LANCL3: variants seen among roughly 807,000 people sequenced by gnomAD.
LANCL3 encodes the protein lanC-like protein 3.
In LANCL3, 19 loss-of-function variants were observed where a neutral mutation model predicts 26.5. The observed-to-expected ratio is 0.72, with a 90% CI of 0.50 to 1.05. The LOEUF is 1.05. LANCL3 is among the 50% of genes least tolerant of loss of function. The pLI, the probability that LANCL3 is intolerant of heterozygous loss-of-function variation, is 0.00. For synonymous variants in LANCL3, 160 were observed against 166.6 expected, an observed-to-expected ratio of 0.96 and a Z score of 0.30; for missense variants, 318 against 362.7, an observed-to-expected ratio of 0.88 and a Z score of 1.00.
chrX:37,586,748 C>T (rs1456291567), intron 1 of LANCL3, among the ~76,000 whole-genome samples: 1 of 111,970 alleles, frequency 8.9e-6, no homozygotes, highest in Non-Finnish European at 1.9e-5. Context: ...TCAAACTTCC[C>T]CCTTTAGCTC....
chrX:37,573,701 G>A (rs1322270924), intron 1 of LANCL3, among the ~76,000 whole-genome samples: 2 of 111,803 alleles, frequency 1.8e-5, no homozygotes, highest in African/African-American at 6.5e-5. Context: ...CATTTGCATT[G>A]CATTTGCATC....
chrX:37,607,663 T>C (rs1408992054), intron 1 of LANCL3, among the ~76,000 whole-genome samples: 1 of 112,762 alleles, frequency 8.9e-6, no homozygotes, highest in Admixed American at 9.4e-5. Flanking sequence ...TGTTGAAATA[T>C]TCCTACCAAT....
chrX:37,595,509 C>T (rs1245353485), intron 1 of LANCL3, among the ~76,000 whole-genome samples: 1 of 112,043 alleles, frequency 8.9e-6, no homozygotes, highest in East Asian at 2.8e-4. Flanking sequence ...TGCCTTTTGA[C>T]AGCCAAAAGA....
intron 1 of LANCL3, among the ~76,000 whole-genome samples, chrX:37,629,925 G>A (rs1248024287): frequency 5.4e-5 from 6 of 110,882 alleles, no homozygotes; most frequent in East Asian, 2.8e-4. Context: ...TTGACTTGGC[G>A]ATGCGGGCTC....
At chrX:37,666,597 G>C (rs782398802) in intron 3 of LANCL3, among the ~76,000 whole-genome samples, 2 of 111,776 alleles carry the variant, frequency 1.8e-5, no homozygotes, top group East Asian at 5.6e-4. Context: ...CCCAGAACTT[G>C]GGGAAAATCA....
At chrX:37,602,992 A>G in intron 1 of LANCL3, among the ~76,000 whole-genome samples, 1 of 110,622 alleles carries the variant, frequency 9.0e-6, no homozygotes, top group South Asian at 3.9e-4. Context: ...TGGGGAGAAA[A>G]GTGAGATAAA....
chrX:37,667,461 A>C lies in LANCL3; in HGVS notation c.1075A>C (p.Asn359His). 6 of 1,188,204 alleles carry C rather than the reference A, an allele frequency of 5.0e-6. No homozygotes were observed. Among genetic ancestry groups the C allele is most frequent in the Non-Finnish European group, 6.8e-6 (6 of 885,956 alleles). ...VFLLLYRLTG[N>H]SKYIYRAQRF... The stretch of plus-strand genomic sequence containing the variant: ...CCTGCTGCTGTACCGGCTCACGGGA[A>C]ACTCTAAATACATCTACCGAGCTCA... The change falls in exon 4 of 5, where the codon AAC (asparagine) becomes CAC (histidine). Residue 359 changes from asparagine to histidine, a missense_variant. Asn to His is a moderately conservative substitution (Grantham distance 68). Transcript: ENST00000378619.
At chrX:37,587,982 T>G (rs1364040918) in intron 1 of LANCL3, among the ~76,000 whole-genome samples, 2 of 112,605 alleles carry the variant, frequency 1.8e-5, no homozygotes, top group African/African-American at 6.5e-5. Flanking sequence ...GTTCGTAGTT[T>G]TTTGTTACAG....
At chrX:37,660,716 C>T (rs1556432383) in intron 3 of LANCL3, among the ~76,000 whole-genome samples, 1 of 111,349 alleles carries the variant, frequency 9.0e-6, no homozygotes, top group East Asian at 2.8e-4. Flanking sequence ...ACCTGAGTTT[C>T]ATTACCTTTT....
chrX:37,578,264 T>C (rs1450782783), intron 1 of LANCL3, among the ~76,000 whole-genome samples: 14 of 112,267 alleles, frequency 1.2e-4, no homozygotes, highest in African/African-American at 4.5e-4. Flanking sequence ...TAGCCAGTTC[T>C]AGTTTCAGGG....
intron 1 of LANCL3, among the ~76,000 whole-genome samples, chrX:37,587,207 C>T (rs1431939736): frequency 8.9e-6 from 1 of 112,789 alleles, no homozygotes; most frequent in Non-Finnish European, 1.9e-5. Context: ...TCTACCCCTA[C>T]TAGGGGGTGC....
intron 1 of LANCL3, among the ~76,000 whole-genome samples, chrX:37,599,417 G>A (rs565538148): frequency 1.8e-5 from 2 of 112,075 alleles, no homozygotes; most frequent in Non-Finnish European, 3.8e-5. Context: ...TAGATCTGGG[G>A]TAGGGTGGGA....
intron 1 of LANCL3, among the ~76,000 whole-genome samples, chrX:37,650,329 A>G (rs1159796786): frequency 7.8e-5 from 8 of 101,984 alleles, no homozygotes; most frequent in South Asian, 4.8e-4. Context: ...AAAAGCCCCA[A>G]TGCCGGGTCC....
chrX:37,577,922 A>C (rs1220354094), intron 1 of LANCL3, among the ~76,000 whole-genome samples: 2 of 112,001 alleles, frequency 1.8e-5, no homozygotes, highest in African/African-American at 6.5e-5. Flanking sequence ...CAAAATGCCC[A>C]ATAAAAAGTC....
intron 1 of LANCL3, among the ~76,000 whole-genome samples, chrX:37,589,723 A>G (rs1484677541): frequency 1.8e-5 from 2 of 111,813 alleles, no homozygotes; most frequent in African/African-American, 6.6e-5. Context: ...AGCAGTCTAC[A>G]TTGACTAAAT....
intron 1 of LANCL3, among the ~76,000 whole-genome samples, chrX:37,642,406 T>C (rs968173306): frequency 1.3e-4 from 14 of 111,723 alleles, no homozygotes; most frequent in Non-Finnish European, 1.5e-4. Flanking sequence ...GTGGTCCTGG[T>C]TGTGGTACAG....
chrX:37,619,833 C>T (rs1003667517), intron 1 of LANCL3, among the ~76,000 whole-genome samples: 1 of 111,802 alleles, frequency 8.9e-6, no homozygotes, highest in Non-Finnish European at 1.9e-5. Flanking sequence ...AACAGCTGCG[C>T]AGAGCCTTCA....
intron 1 of LANCL3, among the ~76,000 whole-genome samples, chrX:37,627,659 C>CTGAGGTAT (rs1925353699): frequency 9.0e-6 from 1 of 111,726 alleles, no homozygotes; most frequent in Non-Finnish European, 1.9e-5. Flanking sequence ...AATGCCAACA[C>CTGAGGTAT]TGAGGTATTG....
chrX:37,575,157 G>A (rs1340048699), intron 1 of LANCL3, among the ~76,000 whole-genome samples: 1 of 108,664 alleles, frequency 9.2e-6, no homozygotes, highest in African/African-American at 3.4e-5. Context: ...GAACTCCTGG[G>A]CTCAAGTGAT....
Sources: allele counts gnomAD v4.1 joint callset (sites outside exome capture counted in the v4.1 genomes callset), GRCh38; gene constraint gnomAD v4.1.1; transcripts MANE v1.5; gene names NCBI Gene and HGNC (gene_info 2026-07-23, HGNC 2026-07-21).